UBXN2B: variants seen among roughly 807,000 people sequenced by gnomAD.
UBXN2B encodes UBX domain protein 2B.
UBXN2B carries 19 observed loss-of-function variants against 37.5 expected under a neutral mutation model. That is an observed-to-expected ratio of 0.51 (90% CI 0.35 to 0.74). The LOEUF is 0.74. UBXN2B is among the 30% of genes least tolerant of loss of function. UBXN2B has a pLI of 0.01. For missense variants in UBXN2B, 370 were observed against 393.2 expected, an observed-to-expected ratio of 0.94 and a Z score of 0.50; for synonymous variants, 145 against 143.8, an observed-to-expected ratio of 1.01 and a Z score of -0.06.
intron 2 of UBXN2B, among the ~76,000 whole-genome samples, chr8:58,420,156 T>A (rs1180271237): frequency 6.6e-6 from 1 of 152,218 alleles, no homozygotes. Context: ...AGTTGTAATT[T>A]TTTTGTTTTC....
chr8:58,424,526 A>G (rs1277452831), intron 2 of UBXN2B: 14 of 776,514 alleles, frequency 1.8e-5, no homozygotes, highest in Non-Finnish European at 3.0e-5. Context: ...CGAAAGTTTG[A>G]TCTTTTTAGG....
At chr8:58,445,746 C>T (rs1442569652) in intron 6 of UBXN2B, among the ~76,000 whole-genome samples, 161 bp from the exon 7 acceptor site, 2 of 152,016 alleles carry the variant, frequency 1.3e-5, no homozygotes, top group Non-Finnish European at 2.9e-5. Flanking sequence ...ATTAGATAAA[C>T]CAAATAAGAA....
chr8:58,446,779 A>ATTTTT (rs869090698), intron 7 of UBXN2B, among the ~76,000 whole-genome samples: 262 of 17,398 alleles, frequency 0.015, 112 homozygotes, highest in African/African-American at 0.019. Context: ...TACAACCTGC[A>ATTTTT]TTTTTTTTTT....
chr8:58,421,012 G>A (rs1807910374), intron 2 of UBXN2B, among the ~76,000 whole-genome samples: 1 of 152,220 alleles, frequency 6.6e-6, no homozygotes. Context: ...TTGTAGTTAT[G>A]TCTACAGTCT....
chr8:58,426,035 C>A, intron 2 of UBXN2B: 1 of 1,394,556 alleles, frequency 7.2e-7, no homozygotes, highest in Non-Finnish European at 1.0e-6. Context: ...CTGAAACCAC[C>A]TTTCAGAGGC....
chr8:58,445,393 G>T (rs1352043131), intron 6 of UBXN2B, among the ~76,000 whole-genome samples: 1 of 152,180 alleles, frequency 6.6e-6, no homozygotes, highest in African/African-American at 2.4e-5. Flanking sequence ...CAAATTAAAT[G>T]AATTTAGTGC....
chr8:58,439,488 C>G, intron 5 of UBXN2B, 145 bp from the exon 6 acceptor site: 2 of 904,402 alleles, frequency 2.2e-6, no homozygotes, highest in Admixed American at 3.2e-5. Flanking sequence ...AAGGACTGAT[C>G]AGTCATTATG....
rs1808770552 is a variant in UBXN2B at position 58,450,094 on chromosome 8, A to G, written c.*2543A>G. 6.6e-6 allele frequency: 1 copy of G among 152,230 alleles called. No individual in the cohort carries two copies. Among genetic ancestry groups the G allele is most frequent in the Admixed American group, 6.5e-5 (1 of 15,274 alleles). 9.4% of individuals were successfully genotyped at this position (152,230 alleles called of 1,614,324 possible). On this transcript the variant is annotated 3_prime_UTR_variant, in exon 8 of 8. Coordinates refer to ENST00000399598, the MANE Select transcript of UBXN2B (RefSeq NM_001077619.2). ...GACCTTTTGATGTTTCTGAAGTATT[A>G]GCAAAAGGTTATACAGCCATATCTT...
intron 6 of UBXN2B, among the ~76,000 whole-genome samples, chr8:58,440,191 T>C (rs969849505): frequency 1.3e-5 from 2 of 152,214 alleles, no homozygotes; most frequent in African/African-American, 4.8e-5. Context: ...TTTTCACCAC[T>C]ATATTATATG....
chr8:58,415,771 A>C (rs1173015146), intron 1 of UBXN2B, among the ~76,000 whole-genome samples: 1 of 152,108 alleles, frequency 6.6e-6, no homozygotes, highest in Non-Finnish European at 1.5e-5. Context: ...CTTTTAGATT[A>C]CCAAACACTT....
intron 7 of UBXN2B, 131 bp from the exon 8 acceptor site, chr8:58,447,258 A>G (rs1808702645): frequency 3.9e-6 from 3 of 779,088 alleles, no homozygotes; most frequent in African/African-American, 1.7e-5. Context: ...TTGAAATACT[A>G]TATATTAAAG....
At position 58,438,600 on chromosome 8, in the gene UBXN2B, G is replaced by A. The variant is rs570621620; in HGVS notation, c.534-1033G>A. Among the ~76,000 whole-genome samples, 6 of 152,268 alleles carry A rather than the reference G, an allele frequency of 3.9e-5. No homozygotes were observed. The South Asian group carries it at 1.2e-3, about 32-fold the overall frequency. On this transcript the variant is annotated intron_variant, in intron 5 of 7. Coordinates refer to ENST00000399598, the MANE Select transcript of UBXN2B (RefSeq NM_001077619.2). ...TTTGGCAGATCTCTCTTTTGGAATGGGAATGTTTACCCAATGCCTATACCA... is the reference window on the plus strand; with the variant it reads ...TTTGGCAGATCTCTCTTTTGGAATGAGAATGTTTACCCAATGCCTATACCA...
chr8:58,429,704 GT>G (rs1808197559), intron 2 of UBXN2B, among the ~76,000 whole-genome samples: 1 of 152,108 alleles, frequency 6.6e-6, no homozygotes, highest in Admixed American at 6.5e-5. Context: ...TCCCCCCATT[GT>G]TTTGTTCTAT....
chr8:58,431,940 TTGTTAC>T (rs1295653632), intron 3 of UBXN2B, among the ~76,000 whole-genome samples: 2 of 152,212 alleles, frequency 1.3e-5, no homozygotes, highest in Non-Finnish European at 2.9e-5. Flanking sequence ...TTGGATTATT[TTGTTAC>T]TGTTGAGTTT....
At chr8:58,420,544 C>G (rs1021559080) in intron 2 of UBXN2B, among the ~76,000 whole-genome samples, 3 of 152,102 alleles carry the variant, frequency 2.0e-5, no homozygotes, top group African/African-American at 7.2e-5. Context: ...TTTTAATACT[C>G]TGGTACTTCA....
rs1808752878 is a variant in UBXN2B at position 58,449,297 on chromosome 8, G to A, written c.*1746G>A. On this transcript the variant is annotated 3_prime_UTR_variant, in exon 8 of 8. Coordinates refer to ENST00000399598, the MANE Select transcript of UBXN2B (RefSeq NM_001077619.2). ...TGGAACATTATTCTTGCCTACTACA[G>A]TTCCCACCCACCCCCCGCTCCACTC... 6.6e-6 allele frequency: 1 copy of A among 152,082 alleles called. No homozygotes were observed. The highest frequency in any genetic ancestry group is 2.4e-5 in the African/African-American group (1 of 41,402). 9.4% of individuals were successfully genotyped at this position (152,082 alleles called of 1,614,324 possible). A position where few individuals can be genotyped will look rare whatever the true frequency, so the allele number is the denominator to read the frequency against.
chr8:58,424,827 A>G (rs772986171), intron 2 of UBXN2B: 9 of 1,437,810 alleles, frequency 6.3e-6, no homozygotes, highest in Non-Finnish European at 7.8e-6. Flanking sequence ...GGACCGCCAT[A>G]TAGATAAATC....
intron 2 of UBXN2B, among the ~76,000 whole-genome samples, chr8:58,423,893 AC>A (rs1310241929): frequency 6.6e-6 from 1 of 151,632 alleles, no homozygotes; most frequent in East Asian, 1.9e-4. Flanking sequence ...TCCCACCACA[AC>A]CTTCTCAGTC....
intron 2 of UBXN2B, among the ~76,000 whole-genome samples, chr8:58,417,816 T>C (rs926771834): frequency 4.6e-5 from 7 of 152,184 alleles, no homozygotes; most frequent in African/African-American, 7.2e-5. Flanking sequence ...GCATGTATTC[T>C]CTCTCTCTTT....
Sources: gnomAD v4.1 joint callset for allele counts (sites outside exome capture counted in the v4.1 genomes callset) on GRCh38, gnomAD v4.1.1 for gene constraint, MANE v1.5 for transcripts, NCBI Gene and HGNC (gene_info 2026-07-23, HGNC 2026-07-21) for gene names.